Variants in MICAL2 observed in about 807,000 individuals in gnomAD.
MICAL2 encodes [F-actin]-monooxygenase MICAL2.
In MICAL2, 77 loss-of-function variants were observed where a neutral mutation model predicts 127.3. The observed-to-expected ratio is 0.60, with a 90% CI of 0.50 to 0.73. The LOEUF is 0.73. Ranked by LOEUF, MICAL2 falls within the 30% of genes least tolerant of loss-of-function variation. The probability of loss-of-function intolerance (pLI) is 0.00; values close to 1 mark genes in which losing one functional copy is unlikely to be tolerated. For missense variants in MICAL2, 1,351 were observed against 1,434.4 expected (o/e 0.94, Z 0.94); for synonymous variants, 570 against 551.1 (o/e 1.03, Z -0.48).
At chr11:12,233,525 G>A (rs184903614) in intron 15 of MICAL2, among the ~76,000 whole-genome samples, 130 of 152,254 alleles carry the variant, frequency 8.5e-4, no homozygotes, top group Non-Finnish European at 9.4e-4. Context: ...ACATTAACTC[G>A]GGCAGTATGG....
intron 8 of MICAL2, among the ~76,000 whole-genome samples, chr11:12,217,395 G>A (rs557627865): frequency 1.1e-3 from 170 of 152,306 alleles, no homozygotes; most frequent in Admixed American, 3.1e-3. Flanking sequence ...AGTTGTAGAC[G>A]GAGGCTGTGA....
chr11:12,146,183 A>G (rs1041571083), intron 2 of MICAL2, among the ~76,000 whole-genome samples: 2 of 152,208 alleles, frequency 1.3e-5, no homozygotes, highest in Admixed American at 6.5e-5. Flanking sequence ...AAACACCAAA[A>G]GCAATGGCAA....
At chr11:12,126,598 T>C (rs1300543645) in intron 1 of MICAL2, among the ~76,000 whole-genome samples, 1 of 151,894 alleles carries the variant, frequency 6.6e-6, no homozygotes, top group African/African-American at 2.4e-5. Context: ...ATTGAACACC[T>C]ACTATGTGCC....
chr11:12,329,875 A>AG (rs2097239906), intron 32 of MICAL2, among the ~76,000 whole-genome samples: 1 of 151,362 alleles, frequency 6.6e-6, no homozygotes, highest in African/African-American at 2.4e-5. Flanking sequence ...AAAAAAAAAA[A>AG]AAAAAAAAGA....
intron 22 of MICAL2, chr11:12,250,111 T>C (rs947704602): frequency 2.0e-5 from 3 of 152,104 alleles, no homozygotes; most frequent in East Asian, 1.9e-4. Flanking sequence ...TGCGTCGCCG[T>C]GTTTCTATCT....
At chr11:12,195,420 G>A (rs772693552) in intron 3 of MICAL2, among the ~76,000 whole-genome samples, 5 of 152,170 alleles carry the variant, frequency 3.3e-5, no homozygotes, top group Non-Finnish European at 5.9e-5. Context: ...ATAGACGGAT[G>A]TGAATAGATA....
chr11:12,294,998 T>A (rs1863967773), downstream of MICAL2: 1 of 1,269,818 alleles, frequency 7.9e-7, no homozygotes, highest in South Asian at 2.6e-5. Context: ...AGGCAAAAAA[T>A]TTGAAAAAAA....
At chr11:12,293,654 C>A (rs199871304), downstream of MICAL2, 5 of 1,614,080 alleles carry the variant, frequency 3.1e-6, no homozygotes, top group African/African-American at 4.0e-5. Context: ...CCAAGGAGCA[C>A]CCAGGGAAAT....
chr11:12,361,383 A>G (rs1454557653), downstream of MICAL2, among the ~76,000 whole-genome samples: 1 of 152,208 alleles, frequency 6.6e-6, no homozygotes, highest in African/African-American at 2.4e-5. Context: ...TCCACCTCCA[A>G]ATAAATACAA....
chr11:12,217,473 C>T (rs1856321699), intron 8 of MICAL2, among the ~76,000 whole-genome samples: 1 of 152,190 alleles, frequency 6.6e-6, no homozygotes, highest in Non-Finnish European at 1.5e-5. Context: ...AGCAGTGTCC[C>T]ACTGCTGACT....
downstream of MICAL2, among the ~76,000 whole-genome samples, chr11:12,292,838 C>G (rs1016138281): frequency 4.6e-5 from 7 of 152,212 alleles, no homozygotes; most frequent in Admixed American, 2.0e-4. Context: ...AAGATGGGTG[C>G]TCTGGTGAAG....
At chr11:12,296,922 A>G (rs1226545841), downstream of MICAL2, among the ~76,000 whole-genome samples, 1 of 152,042 alleles carries the variant, frequency 6.6e-6, no homozygotes, top group Non-Finnish European at 1.5e-5. Flanking sequence ...CAGTGTGTAG[A>G]TGTAACATAA....
chr11:12,112,603 C>A (rs1849694211), intron 1 of MICAL2, among the ~76,000 whole-genome samples: 1 of 151,990 alleles, frequency 6.6e-6, no homozygotes, highest in Admixed American at 6.6e-5. Context: ...TAATTGAAAT[C>A]CAGTTTGAAC....
chr11:12,112,870 C>A (rs957220193), intron 1 of MICAL2, among the ~76,000 whole-genome samples: 1 of 152,184 alleles, frequency 6.6e-6, no homozygotes, highest in Non-Finnish European at 1.5e-5. Context: ...CTGCAAGGAG[C>A]AGCCATATGA....
At chr11:12,230,048 A>C (rs1178974348) in intron 15 of MICAL2, among the ~76,000 whole-genome samples, 1 of 152,190 alleles carries the variant, frequency 6.6e-6, no homozygotes. Context: ...TCGTAAGGCT[A>C]CTGGGTCACC....
downstream of MICAL2, among the ~76,000 whole-genome samples, chr11:12,289,051 C>T (rs75946627): frequency 0.017 from 2,575 of 152,318 alleles, 59 homozygotes; most frequent in African/African-American, 0.058. Flanking sequence ...GTGGGAGGGC[C>T]GGAGGGGATA....
At chr11:12,174,571 C>T (rs1856629994) in intron 3 of MICAL2, among the ~76,000 whole-genome samples, 1 of 152,014 alleles carries the variant, frequency 6.6e-6, no homozygotes, top group Non-Finnish European at 1.5e-5. Flanking sequence ...ATATGTTTAT[C>T]CATTCATCCA....
intron 3 of MICAL2, among the ~76,000 whole-genome samples, chr11:12,167,449 C>T (rs1370135829): frequency 2.6e-5 from 4 of 152,158 alleles, no homozygotes; most frequent in East Asian, 1.9e-4. Flanking sequence ...AGGGAGGCAG[C>T]GAGGCAGGGT....
chr11:12,166,736 A>G (rs537380126), intron 3 of MICAL2, among the ~76,000 whole-genome samples: 4 of 152,310 alleles, frequency 2.6e-5, no homozygotes, highest in East Asian at 1.9e-4. Flanking sequence ...CTTAAGAGCT[A>G]TGAGAGAGGT....
Sources: allele counts gnomAD v4.1 joint callset (sites outside exome capture counted in the v4.1 genomes callset), GRCh38; gene constraint gnomAD v4.1.1; transcripts MANE v1.5; gene names NCBI Gene and HGNC (gene_info 2026-07-23, HGNC 2026-07-21).